RYK: variants seen among roughly 807,000 people sequenced by gnomAD.
The protein encoded by RYK is receptor like tyrosine kinase.
A neutral mutation model predicts 70.2 loss-of-function variants in RYK; 21 were observed. That is an observed-to-expected ratio of 0.30 (90% CI 0.21 to 0.43). RYK has a LOEUF of 0.43. Ranked by LOEUF, RYK falls within the 20% of genes least tolerant of loss-of-function variation. The pLI, the probability that RYK is intolerant of heterozygous loss-of-function variation, is 1.00. For missense variants in RYK, 604 were observed against 753.3 expected, an observed-to-expected ratio of 0.80 and a Z score of 2.32; for synonymous variants, 267 against 278.0, an observed-to-expected ratio of 0.96 and a Z score of 0.39.
intron 13 of RYK, among the ~76,000 whole-genome samples, chr3:134,161,809 C>A (rs182849810): frequency 1.3e-5 from 2 of 151,280 alleles, no homozygotes; most frequent in African/African-American, 4.9e-5. Context: ...TTGGTGAATT[C>A]TATCAAACTT....
chr3:134,173,417 C>G (rs140720161), intron 13 of RYK, among the ~76,000 whole-genome samples: 180 of 152,226 alleles, frequency 1.2e-3, no homozygotes, highest in Middle Eastern at 3.4e-3. Context: ...TGAATAAATA[C>G]CCAAGACTGA....
chr3:134,168,526 A>T (rs113688610), intron 13 of RYK, among the ~76,000 whole-genome samples: 40,551 of 151,662 alleles, frequency 0.27, 5,958 homozygotes, highest in Non-Finnish European at 0.33. Context: ...CAAGGACAAA[A>T]AACCAAACAC....
chr3:134,209,275 T>C (rs547308614), intron 4 of RYK, among the ~76,000 whole-genome samples: 3 of 152,344 alleles, frequency 2.0e-5, no homozygotes, highest in African/African-American at 7.2e-5. Flanking sequence ...AAGTAACTTG[T>C]ATCAATATCC....
intron 1 of RYK, among the ~76,000 whole-genome samples, chr3:134,241,229 G>T (rs2015317500): frequency 6.7e-6 from 1 of 149,768 alleles, no homozygotes; most frequent in Admixed American, 6.6e-5. Flanking sequence ...CACGCCTGTA[G>T]TCCCAAGCTA....
At chr3:134,227,254 G>A (rs966713105) in intron 1 of RYK, among the ~76,000 whole-genome samples, 2 of 152,004 alleles carry the variant, frequency 1.3e-5, no homozygotes, top group African/African-American at 4.8e-5. Context: ...TATAAAACAT[G>A]GCTAAGAAAA....
At chr3:134,158,611 T>G (rs1576497603) in intron 14 of RYK, among the ~76,000 whole-genome samples, 1 of 152,240 alleles carries the variant, frequency 6.6e-6, no homozygotes, top group South Asian at 2.1e-4. Context: ...CTAAGTTCTA[T>G]GAACCCTGGA....
chr3:134,203,407 A>AG (rs202181314), intron 5 of RYK, among the ~76,000 whole-genome samples: 14 of 152,316 alleles, frequency 9.2e-5, no homozygotes, highest in African/African-American at 1.9e-4. Context: ...GCCAGTTTAC[A>AG]GAAAAAAAAA....
rs1278484039 is a variant in RYK, at chr3:134,250,804, C to T, written c.-150G>A. On this transcript the variant is annotated 5_prime_UTR_variant, in exon 1 of 15. Coordinates refer to ENST00000623711, the MANE Select transcript of RYK (RefSeq NM_002958.4). ...GTGGCAGCCAGCAGTGGCTTCAGACCTCCGGAGCGCGCCGCCGCCGCCGCC... is the reference window on the plus strand; with the variant it reads ...GTGGCAGCCAGCAGTGGCTTCAGACTTCCGGAGCGCGCCGCCGCCGCCGCC... 4 of 162,938 alleles carry T rather than the reference C, an allele frequency of 2.5e-5. No homozygotes were observed. Among genetic ancestry groups the T allele is most frequent in the Non-Finnish European group, 4.0e-5 (4 of 100,496 alleles). The allele number at this position is 162,938 out of a possible 1,614,324, so 10.1% of individuals were successfully genotyped here. A position where few individuals can be genotyped will look rare whatever the true frequency, so the allele number is the denominator to read the frequency against.
intron 11 of RYK, among the ~76,000 whole-genome samples, chr3:134,177,366 C>G (rs1250399810): frequency 7.0e-6 from 1 of 143,676 alleles, no homozygotes; most frequent in Non-Finnish European, 1.5e-5. Flanking sequence ...AATGGGACAA[C>G]AAGATACAGC....
chr3:134,192,155 A>C (rs1216203302), intron 7 of RYK, among the ~76,000 whole-genome samples, 181 bp from the exon 8 acceptor site: 1 of 152,158 alleles, frequency 6.6e-6, no homozygotes. Context: ...ATGTTAAAGA[A>C]ATGTCTCCTC....
intron 7 of RYK, among the ~76,000 whole-genome samples, chr3:134,194,312 A>G (rs1171349498): frequency 6.6e-6 from 1 of 152,116 alleles, no homozygotes; most frequent in Non-Finnish European, 1.5e-5. Context: ...AAATTTGTGG[A>G]TTTTTACACA....
At chr3:134,177,701 A>G (rs900764892) in intron 11 of RYK, among the ~76,000 whole-genome samples, 4 of 152,216 alleles carry the variant, frequency 2.6e-5, no homozygotes, top group Admixed American at 1.3e-4. Flanking sequence ...TTGATTATGA[A>G]TAAGTACACA....
At chr3:134,216,054 AAAAAGAAAAT>A (rs2014543230) in intron 2 of RYK, among the ~76,000 whole-genome samples, 1 of 151,752 alleles carries the variant, frequency 6.6e-6, no homozygotes, top group Non-Finnish European at 1.5e-5. Flanking sequence ...AAAGAAAAAG[AAAAAGAAAAT>A]AAAAGGAAAG....
At chr3:134,180,356 A>G (rs2013255215) in intron 10 of RYK, 1 of 152,236 alleles carries the variant, frequency 6.6e-6, no homozygotes, top group African/African-American at 2.4e-5. Flanking sequence ...AATGTGTGAA[A>G]AGAAAGGATT....
chr3:134,226,699 A>G (rs1190868822), intron 1 of RYK, among the ~76,000 whole-genome samples: 1 of 152,174 alleles, frequency 6.6e-6, no homozygotes, highest in East Asian at 1.9e-4. Context: ...AATTTACCAT[A>G]TTAACAAAAT....
intron 10 of RYK, chr3:134,180,797 A>G (rs2013267780): frequency 1.3e-5 from 2 of 152,252 alleles, no homozygotes; most frequent in Non-Finnish European, 1.5e-5. Flanking sequence ...GACTCCTGCT[A>G]TCACCTCATA....
intron 2 of RYK, among the ~76,000 whole-genome samples, chr3:134,217,312 T>C (rs1193240465): frequency 6.6e-6 from 1 of 152,200 alleles, no homozygotes. Flanking sequence ...TGAAAGTTCA[T>C]GATTACACCT....
chr3:134,167,705 T>C (rs902458466), intron 13 of RYK, among the ~76,000 whole-genome samples: 6 of 152,182 alleles, frequency 3.9e-5, no homozygotes, highest in African/African-American at 9.7e-5. Context: ...ATTCAGGACA[T>C]AGGCATGAGC....
At chr3:134,238,660 C>T (rs367992732) in intron 1 of RYK, among the ~76,000 whole-genome samples, 2 of 152,100 alleles carry the variant, frequency 1.3e-5, no homozygotes, top group East Asian at 1.9e-4. Context: ...CATGATATGT[C>T]GTCAAAATCA....
Sources: gnomAD v4.1 joint callset for allele counts (sites outside exome capture counted in the v4.1 genomes callset) on GRCh38, gnomAD v4.1.1 for gene constraint, MANE v1.5 for transcripts, NCBI Gene and HGNC (gene_info 2026-07-23, HGNC 2026-07-21) for gene names.